Variants in WWOX observed in about 807,000 individuals in gnomAD.
WWOX encodes WW domain-containing oxidoreductase.
Under a neutral mutation model 46.2 loss-of-function variants are expected in WWOX, and 69 were observed. That is an observed-to-expected ratio of 1.49 (90% CI 1.23 to 1.82). WWOX has a LOEUF of 1.82. Among genes scored for constraint, WWOX ranks in the 40% most tolerant of loss-of-function variants. The probability of loss-of-function intolerance (pLI) is 0.00; values close to 1 mark genes in which losing one functional copy is unlikely to be tolerated. For synonymous variants in WWOX, 359 were observed against 202.6 expected, an observed-to-expected ratio of 1.77 and a Z score of -6.56; for missense variants, 919 against 542.6, an observed-to-expected ratio of 1.69 and a Z score of -6.89.
At chr16:78,403,457 T>C (rs9937796) in intron 6 of WWOX, among the ~76,000 whole-genome samples, 11,060 of 152,298 alleles carry the variant, frequency 0.073, 805 homozygotes, top group East Asian at 0.23. Flanking sequence ...CTTGTATTGC[T>C]GCTTTAGTAT....
rs74385191 is a variant in WWOX, at chr16:78,497,867, T to A, written c.1056+65115T>A. Among the ~76,000 whole-genome samples the A allele has an allele frequency of 0.02, 353 of 18,068 alleles. 5 individuals carry two copies. The East Asian group carries it at 0.33, about 17-fold the overall frequency. The allele number at this position is 18,068 out of a possible 152,430, so 11.9% of individuals were successfully genotyped here. A position where few individuals can be genotyped will look rare whatever the true frequency, so the allele number is the denominator to read the frequency against. ...GGAGTTACTGAGAATTATAAAAAAA[T>A]TAAAAAAGCCCACATTTTAAAGGGA... On this transcript the variant is annotated intron_variant, in intron 8 of 8. Transcript: ENST00000566780.
chr16:78,643,286 A>C (rs1038416135), intron 8 of WWOX, among the ~76,000 whole-genome samples: 31 of 152,352 alleles, frequency 2.0e-4, no homozygotes, highest in African/African-American at 6.0e-4. Flanking sequence ...TGCCAAGCAT[A>C]GTCATATTTG....
intron 8 of WWOX, among the ~76,000 whole-genome samples, chr16:78,941,766 T>TA (rs1019278441): frequency 6.6e-6 from 1 of 152,174 alleles, no homozygotes; most frequent in Non-Finnish European, 1.5e-5. Flanking sequence ...ATTATATTTT[T>TA]AAAAAAGGTA....
At chr16:78,126,289 T>G (rs2033358115) in intron 4 of WWOX, among the ~76,000 whole-genome samples, 1 of 152,184 alleles carries the variant, frequency 6.6e-6, no homozygotes. Context: ...AATGAAGTGA[T>G]TTGCTCCCCA....
chr16:78,618,619 C>G (rs116544050), intron 8 of WWOX, among the ~76,000 whole-genome samples: 1,634 of 152,266 alleles, frequency 0.011, 26 homozygotes, highest in African/African-American at 0.037. Context: ...CTTCCACATA[C>G]AAAGTCTGGG....
At chr16:78,114,954 C>A (rs2032697751) in intron 3 of WWOX, 22 bp from the exon 4 acceptor site, 1 of 1,613,930 alleles carries the variant, frequency 6.2e-7, no homozygotes. Flanking sequence ...GCTGTGGGTT[C>A]ACTGCTTTCT....
At chr16:78,406,297 AATATAAATATATATATATATAT>A (rs1330588540) in intron 6 of WWOX, among the ~76,000 whole-genome samples, 17 of 74,080 alleles carry the variant, frequency 2.3e-4, no homozygotes, top group African/African-American at 6.2e-4. Flanking sequence ...ACAGCATATA[AATATAAATATATATATATATAT>A]ATATATATAT....
At chr16:78,392,718 G>C (rs539860555) in intron 6 of WWOX, among the ~76,000 whole-genome samples, 1 of 152,062 alleles carries the variant, frequency 6.6e-6, no homozygotes, top group Non-Finnish European at 1.5e-5. Flanking sequence ...AATCAACTTC[G>C]TGTTTAATGT....
intron 5 of WWOX, among the ~76,000 whole-genome samples, chr16:78,169,904 G>T (rs188535661): frequency 1.3e-5 from 2 of 152,190 alleles, no homozygotes; most frequent in Non-Finnish European, 1.5e-5. Flanking sequence ...AAGAGCTTCT[G>T]TTGGGGACTG....
chr16:78,497,301 A>C (rs1016565232), intron 8 of WWOX, among the ~76,000 whole-genome samples: 1 of 152,224 alleles, frequency 6.6e-6, no homozygotes, highest in East Asian at 1.9e-4. Flanking sequence ...ACCTCACACC[A>C]TATAGAAAAA....
chr16:78,972,511 G>T (rs566734614), intron 8 of WWOX, among the ~76,000 whole-genome samples: 5 of 152,030 alleles, frequency 3.3e-5, no homozygotes, highest in African/African-American at 1.2e-4. Context: ...CGCCAAGAGA[G>T]GCTCACTGAC....
At position 78,529,908 on chromosome 16, in the gene WWOX, A is replaced by G. The variant is rs909217588; in HGVS notation, c.1056+97156A>G. Among the ~76,000 whole-genome samples, 4 of 152,226 alleles carry G rather than the reference A, an allele frequency of 2.6e-5. No homozygotes were observed. The East Asian group carries it at 5.8e-4, about 22-fold the overall frequency. On this transcript the variant is annotated intron_variant, in intron 8 of 8. Coordinates refer to ENST00000566780, the MANE Select transcript of WWOX (RefSeq NM_016373.4). The stretch of plus-strand genomic sequence containing the variant: ...GTAATGCTAATCATAAAGTTTTACA[A>G]ATCTCCTGAAGAGTCTTGTTGGTTT...
At chr16:78,996,944 C>G (rs1048997824) in intron 8 of WWOX, among the ~76,000 whole-genome samples, 3 of 152,238 alleles carry the variant, frequency 2.0e-5, no homozygotes, top group Non-Finnish European at 2.9e-5. Flanking sequence ...AGCATCCTCT[C>G]CCGCGCCTGG....
chr16:78,185,026 G>C (rs1038181285), intron 5 of WWOX, among the ~76,000 whole-genome samples: 1 of 152,190 alleles, frequency 6.6e-6, no homozygotes, highest in Non-Finnish European at 1.5e-5. Context: ...GCTGGATGTT[G>C]TGACAGAGGA....
At chr16:78,504,194 CA>C (rs1453845379) in intron 8 of WWOX, among the ~76,000 whole-genome samples, 1 of 152,130 alleles carries the variant, frequency 6.6e-6, no homozygotes, top group Non-Finnish European at 1.5e-5. Flanking sequence ...TATAGAAATG[CA>C]TCTGTGGAAA....
intron 8 of WWOX, among the ~76,000 whole-genome samples, chr16:78,703,884 ATC>A (rs1447452534): frequency 6.6e-6 from 1 of 151,986 alleles, no homozygotes; most frequent in Admixed American, 6.6e-5. Context: ...GATCTTCTCA[ATC>A]TCTCAGTGGG....
At chr16:79,044,137 T>G (rs1023642966) in intron 8 of WWOX, among the ~76,000 whole-genome samples, 3 of 152,176 alleles carry the variant, frequency 2.0e-5, no homozygotes, top group African/African-American at 7.2e-5. Flanking sequence ...GAACACGTAC[T>G]GGGAATCCCA....
intron 4 of WWOX, among the ~76,000 whole-genome samples, chr16:78,145,128 G>C (rs1413410733): frequency 6.6e-6 from 1 of 152,110 alleles, no homozygotes; most frequent in Non-Finnish European, 1.5e-5. Context: ...TGGCAGGGTT[G>C]GTTCCTTCTG....
intron 8 of WWOX, among the ~76,000 whole-genome samples, chr16:79,175,878 A>C (rs994354354): frequency 1.8e-4 from 28 of 152,166 alleles, no homozygotes; most frequent in African/African-American, 5.3e-4. Flanking sequence ...TTGCACTAAC[A>C]GCCACATCCT....
Sources: gnomAD v4.1 joint callset for allele counts (sites outside exome capture counted in the v4.1 genomes callset) on GRCh38, gnomAD v4.1.1 for gene constraint, MANE v1.5 for transcripts, NCBI Gene and HGNC (gene_info 2026-07-23, HGNC 2026-07-21) for gene names.